Variants in CTNNA2 observed in about 807,000 individuals in gnomAD.
The protein encoded by CTNNA2 is catenin alpha 2, also known as catenin alpha-2.
A neutral mutation model predicts 101.0 loss-of-function variants in CTNNA2; 42 were observed. The observed-to-expected ratio is 0.42, with a 90% CI of 0.32 to 0.54. The LOEUF is 0.54. Among genes scored for constraint, CTNNA2 ranks in the 20% least tolerant of loss-of-function variants. CTNNA2 has a pLI of 0.14. For synonymous variants in CTNNA2, 450 were observed against 456.4 expected (o/e 0.99, Z 0.18); for missense variants, 871 against 1,223.1 (o/e 0.71, Z 4.29).
intron 4 of CTNNA2, among the ~76,000 whole-genome samples, chr2:79,462,224 A>G (rs1200917463): frequency 2.0e-5 from 3 of 152,228 alleles, no homozygotes; most frequent in Non-Finnish European, 4.4e-5. Context: ...ATTTTTATGT[A>G]AAGACAACAG....
intron 12 of CTNNA2, among the ~76,000 whole-genome samples, chr2:80,559,053 A>C (rs1234613068): frequency 6.6e-6 from 1 of 152,166 alleles, no homozygotes; most frequent in Non-Finnish European, 1.5e-5. Context: ...TTTCTTCTAC[A>C]TGCCAAGTTG....
intron 2 of CTNNA2, among the ~76,000 whole-genome samples, chr2:79,282,937 A>C (rs1209478112): frequency 1.1e-5 from 1 of 92,520 alleles, no homozygotes; most frequent in Non-Finnish European, 2.6e-5. Flanking sequence ...CTGACTTTTT[A>C]ATGATTGCCA....
intron 9 of CTNNA2, among the ~76,000 whole-genome samples, chr2:80,508,878 C>T (rs1221274108): frequency 6.6e-6 from 1 of 152,132 alleles, no homozygotes; most frequent in East Asian, 1.9e-4. Flanking sequence ...AATCTTGGCC[C>T]AGACTAGTGA....
At chr2:79,570,898 A>G (rs185304250) in intron 1 of CTNNA2, among the ~76,000 whole-genome samples, 1 of 152,276 alleles carries the variant, frequency 6.6e-6, no homozygotes, top group Non-Finnish European at 1.5e-5. Context: ...TAAATATGAA[A>G]CATCCAAACT....
At chr2:80,006,463 A>T (rs1051695869) in intron 7 of CTNNA2, among the ~76,000 whole-genome samples, 1 of 152,132 alleles carries the variant, frequency 6.6e-6, no homozygotes, top group Non-Finnish European at 1.5e-5. Flanking sequence ...TTCAAGTCAC[A>T]ACCTCGGAGA....
At chr2:79,233,324 A>G (rs1351730749) in intron 2 of CTNNA2, among the ~76,000 whole-genome samples, 1 of 152,164 alleles carries the variant, frequency 6.6e-6, no homozygotes, top group African/African-American at 2.4e-5. Flanking sequence ...AAAGTTATTC[A>G]GAAGCAAGTT....
chr2:80,518,494 T>C (rs1302753984), intron 9 of CTNNA2, among the ~76,000 whole-genome samples: 1 of 152,182 alleles, frequency 6.6e-6, no homozygotes, highest in African/African-American at 2.4e-5. Context: ...CATGTTGAAA[T>C]GCACAGAAGT....
At chr2:80,123,841 G>C (rs1303343116) in intron 7 of CTNNA2, among the ~76,000 whole-genome samples, 1 of 152,094 alleles carries the variant, frequency 6.6e-6, no homozygotes, top group African/African-American at 2.4e-5. Flanking sequence ...TATGGGGCTT[G>C]TGATGGTGGC....
intron 1 of CTNNA2, among the ~76,000 whole-genome samples, chr2:79,647,289 C>T (rs989909662): frequency 6.6e-6 from 1 of 151,806 alleles, no homozygotes; most frequent in African/African-American, 2.4e-5. Context: ...TAAAGAATTG[C>T]CAAAAAAGGA....
At chr2:79,839,177 A>C (rs1302367294) in intron 3 of CTNNA2, among the ~76,000 whole-genome samples, 1 of 152,050 alleles carries the variant, frequency 6.6e-6, no homozygotes, top group Admixed American at 6.5e-5. Context: ...ATTTTAAATA[A>C]TATTTTAGCA....
chr2:80,232,345 G>GTTTGTTTTTTTTT (rs1709286406), intron 7 of CTNNA2, among the ~76,000 whole-genome samples: 2 of 64,842 alleles, frequency 3.1e-5, no homozygotes, highest in Non-Finnish European at 5.1e-5. Context: ...TTGTTTGTTT[G>GTTTGTTTTTTTTT]TTTTTTTTTT....
chr2:79,471,870 G>C (rs2250249), intron 4 of CTNNA2, among the ~76,000 whole-genome samples: 8 of 151,606 alleles, frequency 5.3e-5, no homozygotes, highest in African/African-American at 1.7e-4. Flanking sequence ...TAACATATCA[G>C]TTGTGGGGAG....
At chr2:80,116,832 G>A (rs549959744) in intron 7 of CTNNA2, among the ~76,000 whole-genome samples, 2 of 151,978 alleles carry the variant, frequency 1.3e-5, no homozygotes, top group East Asian at 3.9e-4. Flanking sequence ...GACAAGGTGT[G>A]TAGATACAAC....
chr2:80,554,565 G>A (rs538807746), intron 11 of CTNNA2, among the ~76,000 whole-genome samples: 6 of 152,084 alleles, frequency 3.9e-5, no homozygotes, highest in Non-Finnish European at 8.8e-5. Context: ...ATAGGAAGAG[G>A]ATAGAAAGAG....
intron 15 of CTNNA2, among the ~76,000 whole-genome samples, chr2:80,599,754 T>G (rs528634063): frequency 2.0e-5 from 3 of 152,230 alleles, no homozygotes; most frequent in Non-Finnish European, 2.9e-5. Context: ...TTTAACTGCA[T>G]TTTAGTAGTT....
chr2:79,615,156 A>G (rs1678534740), intron 1 of CTNNA2, among the ~76,000 whole-genome samples: 1 of 152,186 alleles, frequency 6.6e-6, no homozygotes, highest in Non-Finnish European at 1.5e-5. Context: ...TGGATTACCA[A>G]ATAACCAAAG....
At chr2:79,334,263 A>G (rs1031574182) in intron 3 of CTNNA2, among the ~76,000 whole-genome samples, 2 of 152,194 alleles carry the variant, frequency 1.3e-5, no homozygotes, top group Non-Finnish European at 2.9e-5. Flanking sequence ...GGAGATTACA[A>G]AGATAAAATG....
intron 9 of CTNNA2, among the ~76,000 whole-genome samples, chr2:80,534,968 T>C (rs1023405957): frequency 6.6e-6 from 1 of 152,188 alleles, no homozygotes; most frequent in Non-Finnish European, 1.5e-5. Flanking sequence ...CATTAGGGAA[T>C]CTTATTCAAT....
intron 7 of CTNNA2, among the ~76,000 whole-genome samples, chr2:79,964,558 G>T (rs1026096681): frequency 1.3e-5 from 2 of 152,026 alleles, no homozygotes; most frequent in African/African-American, 4.8e-5. Context: ...ACCTTTGTGG[G>T]TTCTAGTTTA....
Sources: allele counts gnomAD v4.1 joint callset (sites outside exome capture counted in the v4.1 genomes callset), GRCh38; gene constraint gnomAD v4.1.1; transcripts MANE v1.5; gene names NCBI Gene and HGNC (gene_info 2026-07-23, HGNC 2026-07-21).